Variants in RMST observed in about 807,000 individuals in gnomAD.
The protein encoded by RMST is long intergenic non-protein coding RNA 54.
chr12:97,550,513 A>T (rs1183386383), intron 11 of RMST, among the ~76,000 whole-genome samples: 3 of 152,212 alleles, frequency 2.0e-5, no homozygotes, highest in Non-Finnish European at 2.9e-5. Context: ...GAGGGAATTC[A>T]CCTGTGTCAG....
At chr12:97,477,922 T>A (rs947902802) in intron 5 of RMST, among the ~76,000 whole-genome samples, 1 of 152,194 alleles carries the variant, frequency 6.6e-6, no homozygotes, top group Admixed American at 6.6e-5. Context: ...GAAATTGCAA[T>A]CTGTGTGGTA....
rs186440334 is a variant in RMST, at chr12:97,555,677, G to A, written n.1546-4860G>A. 4.4e-3 allele frequency among the ~76,000 whole-genome samples: 666 copies of A among 152,230 alleles called. 4 individuals are homozygous for A. Among genetic ancestry groups the A allele is most frequent in the Non-Finnish European group, 7.7e-3 (524 of 68,006 alleles). On this transcript the variant is annotated intron_variant and non_coding_transcript_variant, in intron 11 of 13. Coordinates refer to ENST00000640149, the Ensembl canonical transcript of RMST. ...TAAGATTGCCTTTCTCTTATCTATT[G>A]GTCTTGCCTCCCAGACTGTCTGTCT...
chr12:97,476,210 G>T (rs1003244047), intron 5 of RMST, among the ~76,000 whole-genome samples: 11 of 152,068 alleles, frequency 7.2e-5, no homozygotes, highest in Non-Finnish European at 1.3e-4. Flanking sequence ...TAGCCTAAAA[G>T]AATTTTATAT....
chr12:97,561,921 T>A lies in RMST; in HGVS notation n.1958+874T>A, dbSNP rs563654782. 2.0e-5 allele frequency among the ~76,000 whole-genome samples: 3 copies of A among 152,290 alleles called. No homozygotes were observed. The South Asian group carries it at 6.2e-4, about 32-fold the overall frequency. On this transcript the variant is annotated intron_variant and non_coding_transcript_variant, in intron 13 of 13. Coordinates refer to ENST00000640149, the Ensembl canonical transcript of RMST. ...ATCAATAATAACATTCTTCTTTTTT[T>A]AAAGATAATTTTGCCAGGGAGGAGG...
At chr12:97,516,783 C>A (rs1422368471) in intron 10 of RMST, among the ~76,000 whole-genome samples, 1 of 151,832 alleles carries the variant, frequency 6.6e-6, no homozygotes, top group Non-Finnish European at 1.5e-5. Context: ...GAAAAAAAAT[C>A]CATCTTTATA....
intron 11 of RMST, among the ~76,000 whole-genome samples, chr12:97,559,292 G>T (rs972621217): frequency 3.3e-5 from 5 of 152,096 alleles, no homozygotes; most frequent in Admixed American, 6.6e-5. Flanking sequence ...TATCTGCCAC[G>T]CAGAGTTCAT....
intron 5 of RMST, among the ~76,000 whole-genome samples, chr12:97,470,086 C>G (rs1436483947): frequency 6.6e-6 from 1 of 152,236 alleles, no homozygotes; most frequent in East Asian, 1.9e-4. Flanking sequence ...ACTGCCTTCT[C>G]AAAGCCCTCA....
chr12:97,489,067 ACT>A (rs961240421), intron 5 of RMST, among the ~76,000 whole-genome samples: 4 of 152,280 alleles, frequency 2.6e-5, no homozygotes, highest in African/African-American at 4.8e-5. Flanking sequence ...GACTTAAGTA[ACT>A]CTGTTTAGAA....
chr12:97,513,842 C>A (rs1879666662), intron 10 of RMST, among the ~76,000 whole-genome samples: 1 of 152,042 alleles, frequency 6.6e-6, no homozygotes, highest in Admixed American at 6.6e-5. Flanking sequence ...GGTGAAGGAA[C>A]TGTATAGGTT....
chr12:97,468,993 A>G (rs998584395), intron 5 of RMST, among the ~76,000 whole-genome samples: 1 of 151,922 alleles, frequency 6.6e-6, no homozygotes, highest in South Asian at 2.1e-4. Flanking sequence ...TGATTTATAC[A>G]TCATCATGAA....
At chr12:97,499,659 T>TTC (rs1877862141) in intron 10 of RMST, among the ~76,000 whole-genome samples, 1 of 148,102 alleles carries the variant, frequency 6.8e-6, no homozygotes, top group Non-Finnish European at 1.5e-5. Context: ...TTTTCTTTCT[T>TTC]TTTTTTTTTT....
chr12:97,559,830 C>T (rs932236987), intron 11 of RMST, among the ~76,000 whole-genome samples: 4 of 152,124 alleles, frequency 2.6e-5, no homozygotes, highest in South Asian at 2.1e-4. Flanking sequence ...ACAACAAACA[C>T]GAGTGGTATG....
rs374014080 is a variant in RMST, at chr12:97,545,335, C to A, written n.1545+14476C>A. ...CCACAGTCCGCAGTGGTTGACATTG[C>A]GAGTATAGAGGGAACATCATGGAGC... is the stretch of plus-strand genomic sequence containing the variant. On this transcript the variant is annotated intron_variant and non_coding_transcript_variant, in intron 11 of 13. Transcript: ENST00000640149. 9.2e-5 allele frequency among the ~76,000 whole-genome samples: 14 copies of A among 151,972 alleles called. 1 individual carries two copies. Among genetic ancestry groups the A allele is most frequent in the African/African-American group, 3.1e-4 (13 of 41,464 alleles).
At chr12:97,498,087 G>A (rs1353569980) in intron 10 of RMST, among the ~76,000 whole-genome samples, 2 of 152,134 alleles carry the variant, frequency 1.3e-5, no homozygotes, top group Non-Finnish European at 2.9e-5. Flanking sequence ...GACTCCTTGG[G>A]TCTAGGGGTG....
chr12:97,562,641 C>T (rs1007266419), intron 13 of RMST, among the ~76,000 whole-genome samples: 2 of 152,202 alleles, frequency 1.3e-5, no homozygotes, highest in African/African-American at 4.8e-5. Flanking sequence ...ACCCAATTAG[C>T]ATGTCTTTCT....
chr12:97,474,191 T>C (rs1485910189), intron 5 of RMST, among the ~76,000 whole-genome samples: 1 of 152,068 alleles, frequency 6.6e-6, no homozygotes, highest in Non-Finnish European at 1.5e-5. Flanking sequence ...GGACACATCA[T>C]GGAGAAAATC....
intron 10 of RMST, among the ~76,000 whole-genome samples, chr12:97,513,036 G>C (rs975146159): frequency 6.6e-6 from 1 of 152,202 alleles, no homozygotes; most frequent in Non-Finnish European, 1.5e-5. Flanking sequence ...CTCCAACTGC[G>C]GGGTCCGCCG....
intron 11 of RMST, among the ~76,000 whole-genome samples, chr12:97,542,839 C>G (rs1882651901): frequency 6.6e-6 from 1 of 152,050 alleles, no homozygotes; most frequent in African/African-American, 2.4e-5. Context: ...CTTAAGTCCA[C>G]TTAATGAGGT....
chr12:97,545,456 T>C (rs1882861768), intron 11 of RMST, among the ~76,000 whole-genome samples: 1 of 152,080 alleles, frequency 6.6e-6, no homozygotes, highest in African/African-American at 2.4e-5. Flanking sequence ...CTGTGGATAA[T>C]TTTGAATACA....
Sources: gnomAD v4.1 joint callset for allele counts (sites outside exome capture counted in the v4.1 genomes callset) on GRCh38, gnomAD v4.1.1 for gene constraint, MANE v1.5 for transcripts, NCBI Gene and HGNC (gene_info 2026-07-23, HGNC 2026-07-21) for gene names.